The following CDHR1 variants were observed in gnomAD, a reference collection of about 807,000 sequenced individuals.
CDHR1 encodes the protein cadherin-related family member 1.
In CDHR1, 61 loss-of-function variants were observed where a neutral mutation model predicts 72.1. The ratio of observed to expected loss-of-function variants is 0.85; its 90% confidence interval spans 0.69 to 1.05. The LOEUF (loss-of-function observed/expected upper bound fraction) is 1.05. Ranked by LOEUF, CDHR1 falls within the 50% of genes least tolerant of loss-of-function variation. The pLI is 0.00. For synonymous variants in CDHR1, 470 were observed against 448.1 expected, an observed-to-expected ratio of 1.05 and a Z score of -0.62; for missense variants, 1,186 against 1,115.7, an observed-to-expected ratio of 1.06 and a Z score of -0.90.
At position 84,199,013 on chromosome 10, in the gene CDHR1, C is replaced by A. The variant is rs1304771126; in HGVS notation, c.349-19C>A. On this transcript the variant is annotated intron_variant, in intron 4 of 16. Transcript: ENST00000623527. The stretch of plus-strand genomic sequence containing the variant: ...AAGGTCTCATTGCACTGGCTCTTGA[C>A]CCCTCTGCCCCTTCTCAGGTGGCCG... 3 of 1,547,594 alleles carry A rather than the reference C, an allele frequency of 1.9e-6. No homozygotes were observed. The African/African-American group carries it at 4.1e-5, about 21-fold the overall frequency.
downstream of CDHR1, chr10:84,218,845 C>A: frequency 2.3e-6 from 2 of 872,416 alleles, no homozygotes; most frequent in Non-Finnish European, 3.0e-6. Context: ...GCCCTATGTG[C>A]TGAGTCACAT....
At chr10:84,197,898 G>T (rs1418218142) in intron 4 of CDHR1, 62 bp downstream of exon 4, 6 of 1,493,190 alleles carry the variant, frequency 4.0e-6, no homozygotes, top group East Asian at 2.3e-5. Context: ...GAAGGGTGAG[G>T]CTGGCACGAT....
In CDHR1 at chr10:84,218,258, A is replaced by G. The variant is rs1352942706; in HGVS notation, c.*3637A>G. ...GGGTTCTCTGAAGGGCCTAGTTTCC[A>G]GAATGAGGCGGTCATGGCTTAAGCG... is the stretch of plus-strand genomic sequence containing the variant. On this transcript the variant is annotated 3_prime_UTR_variant, in exon 17 of 17. Coordinates refer to ENST00000623527, the MANE Select transcript of CDHR1 (RefSeq NM_033100.4). 1.0e-6 allele frequency: 1 copy of G among 985,366 alleles called. No individual in the cohort carries two copies. The highest frequency in any genetic ancestry group is 1.7e-5 in the African/African-American group (1 of 57,264). The allele number at this position is 985,366 out of a possible 1,614,324, so 61.0% of individuals were successfully genotyped here.
Position 84,215,297 on chromosome 10 carries a change from A to G in CDHR1, c.*676A>G, listed in dbSNP as rs796075384. 7.1e-6 allele frequency: 7 copies of G among 987,796 alleles called. No homozygotes were observed. The African/African-American group carries it at 8.7e-5, about 12-fold the overall frequency. 61.2% of individuals were successfully genotyped at this position (987,796 alleles called of 1,614,324 possible). A position where few individuals can be genotyped will look rare whatever the true frequency, so the allele number is the denominator to read the frequency against. On this transcript the variant is annotated 3_prime_UTR_variant, in exon 17 of 17. Transcript: ENST00000623527. Reference sequence around the variant, plus strand: ...CAGAGGACACAGAGGTGGAAGATTGATCTTGCCAAGAGTGAGGGCAGATGT... The same window carrying G: ...CAGAGGACACAGAGGTGGAAGATTGGTCTTGCCAAGAGTGAGGGCAGATGT...
intron 8 of CDHR1, among the ~76,000 whole-genome samples, 177 bp downstream of exon 8, chr10:84,203,300 C>T (rs904351061): frequency 2.0e-5 from 3 of 152,244 alleles, no homozygotes; most frequent in African/African-American, 7.2e-5. Flanking sequence ...TTGCCCCCAA[C>T]TAGACCATGA....
At chr10:84,195,341 A>G (rs900763944) in intron 1 of CDHR1, among the ~76,000 whole-genome samples, 153 bp from the exon 2 acceptor site, 1 of 152,140 alleles carries the variant, frequency 6.6e-6, no homozygotes, top group East Asian at 1.9e-4. Flanking sequence ...GCGGCGCCCC[A>G]GTGGGGTCCC....
rs753288061 is a variant in CDHR1, at chr10:84,199,099, C to G, written c.416C>G (p.Pro139Arg). ...GAGGCGCCCAGGTTCATCCAGGAGC[C>G]TTATGTTGCCCTGGTTCCCGAGGTA... ...NDEAPRFIQEPYVALVPEDIP... is the reference protein window; with the variant it reads ...NDEAPRFIQERYVALVPEDIP... The change falls in exon 5 of 17, where the codon CCT becomes CGT. Residue 139 changes from proline to arginine, a missense_variant. By Grantham distance (103) the Pro-to-Arg change is moderately radical (BLOSUM62 -2). Transcript: ENST00000623527. The G allele has an allele frequency of 3.2e-6, 5 of 1,551,272 alleles. No individual in the cohort carries two copies. Among genetic ancestry groups the G allele is most frequent in the South Asian group, 2.4e-5 (2 of 84,040 alleles).
At chr10:84,209,032 T>A (rs1842282556) in intron 12 of CDHR1, 151 bp downstream of exon 12, 3 of 882,038 alleles carry the variant, frequency 3.4e-6, no homozygotes, top group African/African-American at 1.7e-5. Flanking sequence ...TCCTGCAGAT[T>A]GCTCACAGAT....
Position 84,195,554 on chromosome 10 carries a change from T to C in CDHR1, c.116T>C (p.Met39Thr), listed in dbSNP as rs766951846. The C allele has an allele frequency of 6.2e-7, 1 of 1,614,170 alleles. No individual in the cohort carries two copies. The highest frequency in any genetic ancestry group is 8.5e-7 in the Non-Finnish European group (1 of 1,180,010). Residue 39 changes from methionine to threonine, a missense_variant, in exon 2 of 17, where the codon ATG (methionine) becomes ACG (threonine). Physicochemically the swap from Met to Thr is moderately conservative, Grantham distance 81. Transcript: ENST00000623527. The part of the protein sequence containing the change: ...DNGVGSTNGN[M>T]ALFSLPEDTP... The stretch of plus-strand genomic sequence containing the variant: ...GGGGTCGGCAGCACCAACGGAAACA[T>C]GGCTCTGTTCAGCCTCCCAGAGGAC...
chr10:84,202,966 C>A lies in CDHR1; in HGVS notation c.640-14C>A, dbSNP rs376451005. The A allele has an allele frequency of 6.2e-7, 1 of 1,614,146 alleles. No individual in the cohort carries two copies. Among genetic ancestry groups the A allele is most frequent in the Admixed American group, 1.7e-5 (1 of 60,022 alleles). On this transcript the variant is annotated splice_polypyrimidine_tract_variant and intron_variant, in intron 7 of 16. Coordinates refer to ENST00000623527, the MANE Select transcript of CDHR1 (RefSeq NM_033100.4). ...CTTGTCTTCACTCTCCTGTGGCCTCCGATTCTTCTGCAGGATGGCGGTGGG... is the reference window on the plus strand; with the variant it reads ...CTTGTCTTCACTCTCCTGTGGCCTCAGATTCTTCTGCAGGATGGCGGTGGG...
intron 10 of CDHR1, among the ~76,000 whole-genome samples, chr10:84,207,963 G>A (rs1485199390): frequency 1.3e-5 from 2 of 152,174 alleles, no homozygotes; most frequent in Non-Finnish European, 2.9e-5. Context: ...CGGCAAGAGA[G>A]AGAGTTCACA....
chr10:84,210,224 T>A (rs997805164), intron 12 of CDHR1, among the ~76,000 whole-genome samples: 1 of 151,188 alleles, frequency 6.6e-6, no homozygotes. Context: ...GTTTTTTTTG[T>A]TTTTTTTGTT....
At chr10:84,201,505 C>G (rs866062172) in intron 6 of CDHR1, among the ~76,000 whole-genome samples, 5 of 152,348 alleles carry the variant, frequency 3.3e-5, no homozygotes, top group Non-Finnish European at 7.3e-5. Flanking sequence ...ATCTGCTGGA[C>G]CCTCCAGGCC....
At position 84,214,260 on chromosome 10, in the gene CDHR1, T is replaced by C; in HGVS notation, c.2219T>C (p.Leu740Pro). The change falls in exon 17 of 17, where the codon CTC (leucine) becomes CCC (proline). Residue 740 changes from leucine to proline, a missense_variant. Coordinates refer to ENST00000623527, the MANE Select transcript of CDHR1 (RefSeq NM_033100.4). ...SNKVLPMRRV[L>P]RKRPSPAPRT... ...AAGGTCCTGCCAATGCGGCGGGTGC[T>C]CCGCAAGCGGCCCAGCCCTGCGCCC... is the stretch of plus-strand genomic sequence containing the variant. 6.2e-7 allele frequency: 1 copy of C among 1,613,462 alleles called. No homozygotes were observed.
Position 84,199,118 on chromosome 10 carries a change from C to A in CDHR1, c.435C>A (p.Pro145=). ...AGGAGCCTTATGTTGCCCTGGTTCC[C>A]GAGGTAAGTGAGGAGCTGCTAGAGG... ...FIQEPYVALV[P]EDIPAGSIIF... The change falls in exon 5 of 17, where the codon CCC becomes CCA. Residue 145 remains proline (P), a synonymous_variant. Transcript: ENST00000623527. 1.3e-6 allele frequency: 2 copies of A among 1,550,904 alleles called. No individual in the cohort carries two copies. The highest frequency in any genetic ancestry group is 1.7e-6 in the Non-Finnish European group (2 of 1,146,828).
At chr10:84,196,308 G>A in intron 2 of CDHR1, among the ~76,000 whole-genome samples, 197 bp from the exon 3 acceptor site, 1 of 152,192 alleles carries the variant, frequency 6.6e-6, no homozygotes, top group East Asian at 1.9e-4. Flanking sequence ...ACCACCCGCT[G>A]TGAAGAATAA....
intron 8 of CDHR1, among the ~76,000 whole-genome samples, chr10:84,203,977 G>T (rs1842177984): frequency 6.6e-6 from 1 of 152,166 alleles, no homozygotes; most frequent in South Asian, 2.1e-4. Context: ...AAAGGCTTGT[G>T]TAGGGGGGCT....
chr10:84,212,699 C>T (rs180951872), intron 15 of CDHR1, among the ~76,000 whole-genome samples: 26 of 152,332 alleles, frequency 1.7e-4, no homozygotes, highest in Admixed American at 3.9e-4. Context: ...TCTCACCGCA[C>T]TTTGTCATTT....
chr10:84,216,647 G>C lies in CDHR1; in HGVS notation c.*2026G>C. The C allele has an allele frequency of 1.0e-6, 1 of 985,434 alleles. No individual in the cohort carries two copies. The highest frequency in any genetic ancestry group is 1.2e-6 in the Non-Finnish European group (1 of 829,954). 61.0% of individuals were successfully genotyped at this position (985,434 alleles called of 1,614,324 possible). ...GCTTCAGCAGGTGGATCCATTCTTC[G>C]ACCCCCAGATGTGACTCTAAAGAAG... On this transcript the variant is annotated 3_prime_UTR_variant, in exon 17 of 17. Transcript: ENST00000623527.
Sources: gnomAD v4.1 joint callset for allele counts (sites outside exome capture counted in the v4.1 genomes callset) on GRCh38, gnomAD v4.1.1 for gene constraint, MANE v1.5 for transcripts, NCBI Gene and HGNC (gene_info 2026-07-23, HGNC 2026-07-21) for gene names.